Variants in FOXP2 observed in about 807,000 individuals in gnomAD.
FOXP2 encodes the protein forkhead box protein P2.
Under a neutral mutation model 115.8 loss-of-function variants are expected in FOXP2, and 12 were observed. The observed-to-expected ratio is 0.10, with a 90% CI of 0.07 to 0.17. The LOEUF (loss-of-function observed/expected upper bound fraction) is 0.17. Ranked by LOEUF, FOXP2 falls within the 10% of genes least tolerant of loss-of-function variation. FOXP2 has a pLI of 1.00. For synonymous variants in FOXP2, 328 were observed against 297.7 expected (o/e 1.10, Z -1.05); for missense variants, 629 against 843.5 (o/e 0.75, Z 3.15).
At chr7:114,333,054 C>T (rs1797750942) in intron 2 of FOXP2, among the ~76,000 whole-genome samples, 1 of 151,814 alleles carries the variant, frequency 6.6e-6, no homozygotes, top group Non-Finnish European at 1.5e-5. Flanking sequence ...ACGAAACAGT[C>T]TGCAAGCCAG....
At chr7:114,629,502 T>C in intron 4 of FOXP2, 2 of 1,106,896 alleles carry the variant, frequency 1.8e-6, no homozygotes, top group Non-Finnish European at 2.6e-6. Flanking sequence ...CTAGTTTTTA[T>C]GTGTCAGTAG....
chr7:114,623,924 G>A (rs1480741960), intron 3 of FOXP2, among the ~76,000 whole-genome samples: 16 of 151,746 alleles, frequency 1.1e-4, no homozygotes, highest in Admixed American at 1.1e-3. Context: ...GTCCATCCCA[G>A]ATCTCTTTAA....
intron 2 of FOXP2, among the ~76,000 whole-genome samples, chr7:114,384,123 C>A: frequency 1.3e-5 from 2 of 151,960 alleles, no homozygotes; most frequent in Middle Eastern, 3.4e-3. Context: ...TTACGCTCGC[C>A]GATGTAGCAG....
intron 2 of FOXP2, among the ~76,000 whole-genome samples, chr7:114,523,804 C>A (rs543107950): frequency 2.0e-5 from 3 of 152,132 alleles, no homozygotes; most frequent in Non-Finnish European, 4.4e-5. Context: ...GCAGCCTAAG[C>A]CCTCAAGTCA....
At chr7:114,684,891 A>T (rs1808280355) in intron 16 of FOXP2, among the ~76,000 whole-genome samples, 1 of 152,316 alleles carries the variant, frequency 6.6e-6, no homozygotes, top group African/African-American at 2.4e-5. Flanking sequence ...TGTCTACATG[A>T]AACTGTAATA....
chr7:114,272,240 T>C (rs937751332), intron 1 of FOXP2, among the ~76,000 whole-genome samples: 1 of 151,046 alleles, frequency 6.6e-6, no homozygotes, highest in African/African-American at 2.4e-5. Context: ...TAATCCCACT[T>C]GGTAATGGTA....
At chr7:114,169,083 G>C (rs1384996050) in intron 1 of FOXP2, among the ~76,000 whole-genome samples, 1 of 152,374 alleles carries the variant, frequency 6.6e-6, no homozygotes, top group East Asian at 1.9e-4. Context: ...GGTCCTAATG[G>C]AGAATCTCTG....
intron 3 of FOXP2, among the ~76,000 whole-genome samples, chr7:114,612,196 A>G (rs1803665811): frequency 6.6e-6 from 1 of 151,984 alleles, no homozygotes. Flanking sequence ...CCTGGATTTG[A>G]TCTGGAAGAT....
At chr7:114,449,645 A>G (rs1794985998) in intron 2 of FOXP2, among the ~76,000 whole-genome samples, 1 of 152,104 alleles carries the variant, frequency 6.6e-6, no homozygotes, top group Non-Finnish European at 1.5e-5. Flanking sequence ...CCAGTATTCC[A>G]GCATAGAATG....
rs544541841 is a variant in FOXP2, at chr7:114,251,048, T to C, written c.-101-36971T>C. Among the ~76,000 whole-genome samples the C allele has an allele frequency of 5.3e-5, 8 of 152,344 alleles. No homozygotes were observed. In the East Asian group the frequency reaches 1.5e-3, roughly 29 times the overall value. ...AGTTTTCCCAGCACCATTTATTAAA[T>C]AGGGAATCGTTTCCCCATTTCTTGC... On this transcript the variant is annotated intron_variant, in intron 1 of 17. Coordinates refer to the FOXP2 transcript ENST00000634411.
chr7:114,541,301 A>T (rs1349764629), intron 3 of FOXP2, among the ~76,000 whole-genome samples: 1 of 152,070 alleles, frequency 6.6e-6, no homozygotes, highest in Non-Finnish European at 1.5e-5. Context: ...AGGTAATTTG[A>T]AAAGAGGAGC....
intron 2 of FOXP2, among the ~76,000 whole-genome samples, chr7:114,431,039 G>A (rs1314167477): frequency 6.6e-6 from 1 of 151,794 alleles, no homozygotes; most frequent in Non-Finnish European, 1.5e-5. Flanking sequence ...TATTTACTAT[G>A]CAGTGTTGTG....
intron 2 of FOXP2, among the ~76,000 whole-genome samples, chr7:114,506,310 T>C (rs1269451924): frequency 6.6e-6 from 1 of 151,704 alleles, no homozygotes; most frequent in Non-Finnish European, 1.5e-5. Flanking sequence ...TTGTTTGTCT[T>C]ATTTCTACTT....
intron 1 of FOXP2, among the ~76,000 whole-genome samples, chr7:114,215,159 A>G (rs937186317): frequency 6.6e-6 from 1 of 152,158 alleles, no homozygotes; most frequent in African/African-American, 2.4e-5. Context: ...AAAATCAGTG[A>G]TACTTTTGAT....
chr7:114,167,220 A>T (rs889676085), intron 1 of FOXP2, among the ~76,000 whole-genome samples: 1 of 152,202 alleles, frequency 6.6e-6, no homozygotes, highest in Non-Finnish European at 1.5e-5. Flanking sequence ...ACAAACTGTG[A>T]TACATCCAGA....
chr7:114,651,401 A>G (rs1330823430), intron 8 of FOXP2, among the ~76,000 whole-genome samples: 2 of 152,120 alleles, frequency 1.3e-5, no homozygotes, highest in Non-Finnish European at 2.9e-5. Context: ...TACAGAGTAT[A>G]TATTATTAAA....
chr7:114,581,949 C>T (rs899149937), intron 3 of FOXP2, among the ~76,000 whole-genome samples: 4 of 152,056 alleles, frequency 2.6e-5, no homozygotes, highest in African/African-American at 9.7e-5. Context: ...TTTGAATGGT[C>T]ACCAAGAAAG....
At chr7:114,562,878 A>G (rs913306441) in intron 3 of FOXP2, among the ~76,000 whole-genome samples, 1 of 151,878 alleles carries the variant, frequency 6.6e-6, no homozygotes, top group Non-Finnish European at 1.5e-5. Flanking sequence ...TACTACCTGT[A>G]TTACTCTGTC....
intron 2 of FOXP2, among the ~76,000 whole-genome samples, chr7:114,304,022 A>T (rs1308775906): frequency 1.3e-5 from 2 of 152,166 alleles, no homozygotes; most frequent in Non-Finnish European, 2.9e-5. Flanking sequence ...ATGCAATTAT[A>T]ATTAGATAAC....
Sources: gnomAD v4.1 joint callset for allele counts (sites outside exome capture counted in the v4.1 genomes callset) on GRCh38, gnomAD v4.1.1 for gene constraint, MANE v1.5 for transcripts, NCBI Gene and HGNC (gene_info 2026-07-23, HGNC 2026-07-21) for gene names.